PRELID2: variants seen among roughly 807,000 people sequenced by gnomAD.
The protein encoded by PRELID2 is PRELI domain-containing protein 2.
PRELID2 carries 25 observed loss-of-function variants against 28.4 expected under a neutral mutation model. The observed-to-expected ratio is 0.88, with a 90% CI of 0.64 to 1.23. The LOEUF (loss-of-function observed/expected upper bound fraction) is 1.23, where lower values mean the gene tolerates loss of function less well. Ranked by LOEUF, PRELID2 falls within the 50% of genes most tolerant of loss-of-function variation. PRELID2 has a pLI of 0.00. For synonymous variants in PRELID2, 76 were observed against 71.6 expected (o/e 1.06, Z -0.31); for missense variants, 201 against 214.4 (o/e 0.94, Z 0.39).
intron 1 of PRELID2, among the ~76,000 whole-genome samples, chr5:145,558,938 C>T (rs1206188088): frequency 6.6e-6 from 1 of 152,110 alleles, no homozygotes; most frequent in Non-Finnish European, 1.5e-5. Flanking sequence ...GTTTGCACAA[C>T]CATGAAAATA....
intron 1 of PRELID2, among the ~76,000 whole-genome samples, chr5:145,711,139 C>T (rs1418571526): frequency 6.6e-6 from 1 of 152,094 alleles, no homozygotes; most frequent in Non-Finnish European, 1.5e-5. Flanking sequence ...AGTAATTTTC[C>T]AACTACCAGT....
chr5:145,593,467 G>A (rs1594675), intron 1 of PRELID2, among the ~76,000 whole-genome samples: 10,827 of 152,174 alleles, frequency 0.071, 576 homozygotes, highest in Admixed American at 0.18. Context: ...GCGGCAACTG[G>A]AGTCCATTGC....
the PRELID2 span, among the ~76,000 whole-genome samples, chr5:145,342,642 T>A: frequency 6.6e-6 from 1 of 151,994 alleles, no homozygotes; most frequent in Non-Finnish European, 1.5e-5. Flanking sequence ...AATCTGAGAT[T>A]TAAAAAATTT....
the PRELID2 span, chr5:145,229,114 A>AT: frequency 2.1e-6 from 3 of 1,406,046 alleles, no homozygotes; most frequent in Non-Finnish European, 3.0e-6. Context: ...ATCGCCCACA[A>AT]AAAAGTGGAA....
At chr5:145,409,162 C>T in the PRELID2 span, among the ~76,000 whole-genome samples, 1 of 152,058 alleles carries the variant, frequency 6.6e-6, no homozygotes, top group Admixed American at 6.6e-5. Context: ...TTCAGACAAA[C>T]AAATGCTGAG....
chr5:145,697,218 T>C (rs752257243), intron 1 of PRELID2, among the ~76,000 whole-genome samples: 1 of 151,694 alleles, frequency 6.6e-6, no homozygotes, highest in Non-Finnish European at 1.5e-5. Flanking sequence ...ATATGTGTGA[T>C]ATATGTAGAT....
chr5:145,427,016 A>C, the PRELID2 span, among the ~76,000 whole-genome samples: 3 of 152,232 alleles, frequency 2.0e-5, no homozygotes, highest in Admixed American at 6.5e-5. Context: ...TTGCCTACAC[A>C]TCATAATTGG....
At chr5:145,778,215 G>A (rs2149790877) in intron 5 of PRELID2, among the ~76,000 whole-genome samples, 1 of 152,194 alleles carries the variant, frequency 6.6e-6, no homozygotes, top group Middle Eastern at 3.4e-3. Flanking sequence ...CCACTCCAGG[G>A]CCTCCTCTCT....
At chr5:145,789,944 G>A (rs758834054) in intron 5 of PRELID2, among the ~76,000 whole-genome samples, 1 of 152,138 alleles carries the variant, frequency 6.6e-6, no homozygotes, top group Non-Finnish European at 1.5e-5. Flanking sequence ...ACCACAATGA[G>A]ATATCACCTC....
intron 1 of PRELID2, among the ~76,000 whole-genome samples, chr5:145,664,673 A>G (rs527881737): frequency 1.3e-5 from 2 of 152,174 alleles, no homozygotes; most frequent in South Asian, 4.1e-4. Flanking sequence ...GAAAGCTCTC[A>G]CTGTAGCCTT....
intron 4 of PRELID2, among the ~76,000 whole-genome samples, chr5:145,811,642 G>A (rs1753947836): frequency 6.6e-6 from 1 of 152,194 alleles, no homozygotes; most frequent in Non-Finnish European, 1.5e-5. Flanking sequence ...GACATGAGAG[G>A]AGAGACCCTG....
chr5:145,301,607 G>T, the PRELID2 span, among the ~76,000 whole-genome samples: 1 of 152,020 alleles, frequency 6.6e-6, no homozygotes, highest in Non-Finnish European at 1.5e-5. Context: ...TTACTCTCCT[G>T]GATTTCATTC....
intron 1 of PRELID2, among the ~76,000 whole-genome samples, chr5:145,596,265 C>G (rs1210632769): frequency 6.6e-6 from 1 of 152,088 alleles, no homozygotes; most frequent in African/African-American, 2.4e-5. Context: ...AGCTCTGACT[C>G]TCCTCTCCAA....
At position 145,757,816 on chromosome 5, in the gene PRELID2, GA is replaced by G. The variant is rs199568370; in HGVS notation, c.*2719del. On this transcript the variant is annotated 3_prime_UTR_variant, in exon 7 of 7. Coordinates refer to ENST00000683046, the MANE Select transcript of PRELID2 (RefSeq NM_205846.3). ...GACCCTATCTCAAAAAAAAGTAAAT[GA>G]AAAAAAAAAAAAAAAAGACCATAAA... 0.059 allele frequency among the ~76,000 whole-genome samples: 3,225 copies of G among 55,036 alleles called. 71 individuals carry two copies. The highest frequency in any genetic ancestry group is 0.2 in the East Asian group (445 of 2,236). The allele number at this position is 55,036 out of a possible 152,430, so 36.1% of individuals were successfully genotyped here. A position where few individuals can be genotyped will look rare whatever the true frequency, so the allele number is the denominator to read the frequency against.
intron 1 of PRELID2, among the ~76,000 whole-genome samples, chr5:145,692,933 A>G (rs1017862149): frequency 6.6e-6 from 1 of 152,146 alleles, no homozygotes; most frequent in East Asian, 1.9e-4. Flanking sequence ...TCACTCATAC[A>G]TGGTTACCAA....
Position 145,593,429 on chromosome 5 carries a change from T to C in PRELID2, n.71-120114A>G, listed in dbSNP as rs568155014. Among the ~76,000 whole-genome samples, 11 of 152,300 alleles carry C rather than the reference T, an allele frequency of 7.2e-5. No individual in the cohort carries two copies. In the East Asian group the frequency reaches 1.9e-3, roughly 27 times the overall value. ...CATTTCAAGAAGACCCAAGAGTTAA[T>C]CCGAACAGCCAGCTATTGGCAAAAA... On this transcript the variant is annotated intron_variant and non_coding_transcript_variant, in intron 1 of 2. Coordinates refer to the PRELID2 transcript ENST00000510259.
At chr5:145,495,497 C>A (rs942888334) in intron 1 of PRELID2, among the ~76,000 whole-genome samples, 3 of 152,134 alleles carry the variant, frequency 2.0e-5, no homozygotes, top group Admixed American at 1.3e-4. Context: ...GTGCTAAACC[C>A]CTTTTCTTTT....
chr5:145,797,736 G>A (rs1256713122), intron 4 of PRELID2, among the ~76,000 whole-genome samples: 1 of 152,052 alleles, frequency 6.6e-6, no homozygotes, highest in Non-Finnish European at 1.5e-5. Flanking sequence ...GGTCTTCCCT[G>A]TATGAAGCCA....
At chr5:145,702,515 T>G (rs1337985370) in intron 1 of PRELID2, among the ~76,000 whole-genome samples, 1 of 152,220 alleles carries the variant, frequency 6.6e-6, no homozygotes, top group Non-Finnish European at 1.5e-5. Context: ...CAGGATGCTT[T>G]CTTTGACATA....
Sources: gnomAD v4.1 joint callset for allele counts (sites outside exome capture counted in the v4.1 genomes callset) on GRCh38, gnomAD v4.1.1 for gene constraint, MANE v1.5 for transcripts, NCBI Gene and HGNC (gene_info 2026-07-23, HGNC 2026-07-21) for gene names.